Variants in LUC7L3 observed in about 807,000 individuals in gnomAD.
The protein encoded by LUC7L3 is luc7-like protein 3.
In LUC7L3, 6 loss-of-function variants were observed where a neutral mutation model predicts 66.8. The observed-to-expected ratio is 0.09, with a 90% confidence interval of 0.05 to 0.18. The LOEUF (loss-of-function observed/expected upper bound fraction) is 0.18, where lower values mean the gene tolerates loss of function less well. Ranked by LOEUF, LUC7L3 falls within the 10% of genes least tolerant of loss-of-function variation. The pLI is 1.00. For synonymous variants in LUC7L3, 160 were observed against 174.7 expected (o/e 0.92, Z 0.66); for missense variants, 341 against 531.1 (o/e 0.64, Z 3.52).
chr17:50,744,942 G>A, intron 7 of LUC7L3, 129 bp downstream of exon 7: 1 of 688,804 alleles, frequency 1.5e-6, no homozygotes. Context: ...CTCCTGAGTA[G>A]CTGGGAGTAC....
chr17:50,746,776 C>A, intron 9 of LUC7L3, 74 bp downstream of exon 9: 1 of 1,353,268 alleles, frequency 7.4e-7, no homozygotes. Context: ...TTTCTCCAGA[C>A]ACAGGCAAAG....
At chr17:50,734,074 T>C (rs1597910096) in intron 1 of LUC7L3, among the ~76,000 whole-genome samples, 2 of 152,368 alleles carry the variant, frequency 1.3e-5, no homozygotes, top group South Asian at 4.1e-4. Flanking sequence ...AGAAATAATT[T>C]TTAAAAACAT....
chr17:50,719,899 C>T, intron 1 of LUC7L3, 68 bp downstream of exon 1: 1 of 1,446,420 alleles, frequency 6.9e-7, no homozygotes, highest in Non-Finnish European at 9.4e-7. Flanking sequence ...GGGCTGTGGC[C>T]CTCCTGGCCG....
At chr17:50,732,246 T>TG (rs1439118466) in intron 1 of LUC7L3, among the ~76,000 whole-genome samples, 1 of 152,250 alleles carries the variant, frequency 6.6e-6, no homozygotes, top group African/African-American at 2.4e-5. Flanking sequence ...TTCCTGGAAT[T>TG]GGAGTTAATC....
chr17:50,749,639 T>C (rs1163602172), intron 9 of LUC7L3, among the ~76,000 whole-genome samples: 3 of 152,234 alleles, frequency 2.0e-5, no homozygotes, highest in Non-Finnish European at 2.9e-5. Flanking sequence ...AATTAACTAC[T>C]CTGCCAGACC....
intron 1 of LUC7L3, among the ~76,000 whole-genome samples, chr17:50,725,651 C>T (rs566969279): frequency 3.9e-5 from 6 of 152,072 alleles, no homozygotes; most frequent in Middle Eastern, 3.4e-3. Context: ...TCCATTTATA[C>T]GTGGAGTTTT....
chr17:50,739,509 G>A (rs991513941), intron 2 of LUC7L3, among the ~76,000 whole-genome samples: 2 of 152,022 alleles, frequency 1.3e-5, no homozygotes, highest in African/African-American at 4.8e-5. Flanking sequence ...AAAAAATTAC[G>A]CAGGCATGGT....
rs772879284 is a variant in LUC7L3 at position 50,741,720 on chromosome 17, C to T, written c.415C>T (p.Leu139Phe). 6.2e-7 allele frequency: 1 copy of T among 1,613,236 alleles called. No homozygotes were observed. Among genetic ancestry groups the T allele is most frequent in the Non-Finnish European group, 8.5e-7 (1 of 1,179,252 alleles). The change falls in exon 5 of 10, where the codon CTT becomes TTT. Residue 139 changes from leucine to phenylalanine, a missense_variant. Around this residue, in one of 6 missense-constraint regions of LUC7L3, gnomAD observed 86 missense variants for 172.0 expected, o/e 0.50. Transcript: ENST00000505658. ...IQVLTDKIDV[L>F]LQQIEELGSE... The stretch of plus-strand genomic sequence containing the variant: ...GGTTCTAACAGACAAAATTGATGTA[C>T]TTCTGCAACAGGTGAGAATTGTGTG...
At position 50,742,155 on chromosome 17, in the gene LUC7L3, G is replaced by C. The variant is rs74583348; in HGVS notation, c.426+424G>C. Among the ~76,000 whole-genome samples the C allele has an allele frequency of 3.0e-3, 450 of 152,234 alleles. 4 individuals are homozygous for C. The highest frequency in any genetic ancestry group is 0.01 in the African/African-American group (436 of 41,526). Reference sequence around the variant, plus strand: ...TATGAAAAGACGCTCAACACTATTAGTCGTTAGGGAAATACAGATTAAAAC... The same window carrying C: ...TATGAAAAGACGCTCAACACTATTACTCGTTAGGGAAATACAGATTAAAAC... On this transcript the variant is annotated intron_variant, in intron 5 of 9. Coordinates refer to ENST00000505658, the MANE Select transcript of LUC7L3 (RefSeq NM_016424.5).
At chr17:50,735,711 C>T (rs955853967) in intron 1 of LUC7L3, among the ~76,000 whole-genome samples, 3 of 152,102 alleles carry the variant, frequency 2.0e-5, no homozygotes, top group Admixed American at 6.6e-5. Flanking sequence ...TTGCCCAAGC[C>T]GGTCTCAAAT....
At chr17:50,724,241 C>G (rs1385663799) in intron 1 of LUC7L3, 1 of 184,044 alleles carries the variant, frequency 5.4e-6, no homozygotes, top group African/African-American at 2.4e-5. Context: ...AAAACATAGC[C>G]GACCGGGCAT....
Position 50,744,711 on chromosome 17 carries a change from C to G in LUC7L3, c.591C>G (p.Ala197=), listed in dbSNP as rs1468770631. The G allele has an allele frequency of 6.2e-7, 1 of 1,613,880 alleles. No homozygotes were observed. The highest frequency in any genetic ancestry group is 1.7e-5 in the Admixed American group (1 of 59,982). The part of the protein sequence containing the change: ...KQMEVCEVCG[A]FLIVGDAQSR... ...TGGAAGTTTGTGAAGTATGTGGAGC[C>G]TTTTTAATAGTAGGAGATGCCCAGT... is the stretch of plus-strand genomic sequence containing the variant. The change falls in exon 7 of 10, where the codon GCC becomes GCG. Residue 197 remains alanine (A), a synonymous_variant. Coordinates refer to ENST00000505658, the MANE Select transcript of LUC7L3 (RefSeq NM_016424.5).
At chr17:50,741,873 C>T (rs754123037) in intron 5 of LUC7L3, 142 bp downstream of exon 5, 38 of 606,204 alleles carry the variant, frequency 6.3e-5, no homozygotes, top group Non-Finnish European at 7.7e-5. Flanking sequence ...TTGCTTGAGC[C>T]GGAGAATTTG....
At chr17:50,727,080 C>CT (rs1343097512) in intron 1 of LUC7L3, among the ~76,000 whole-genome samples, 2 of 151,616 alleles carry the variant, frequency 1.3e-5, no homozygotes, top group Non-Finnish European at 2.9e-5. Flanking sequence ...CAGAGCGAGA[C>CT]TTTGTCTCAA....
In LUC7L3 at chr17:50,749,380, C is replaced by A. The variant is rs1970866940; in HGVS notation, c.1139-1121C>A. 7.9e-6 allele frequency: 10 copies of A among 1,267,542 alleles called. No homozygotes were observed. The Admixed American group carries it at 2.5e-4, about 32-fold the overall frequency. 78.5% of individuals were successfully genotyped at this position (1,267,542 alleles called of 1,614,324 possible). On this transcript the variant is annotated intron_variant, in intron 9 of 9. Coordinates refer to ENST00000505658, the MANE Select transcript of LUC7L3 (RefSeq NM_016424.5). Reference sequence around the variant, plus strand: ...GCCCACTGTCCTGGCACAGTTCTCACAAGTGGACAGACAGACATGAAGCAA... The same window carrying A: ...GCCCACTGTCCTGGCACAGTTCTCAAAAGTGGACAGACAGACATGAAGCAA...
chr17:50,729,918 A>T (rs1412724242), intron 1 of LUC7L3, among the ~76,000 whole-genome samples: 1 of 39,552 alleles, frequency 2.5e-5, no homozygotes, highest in Admixed American at 2.3e-4. Context: ...ATATATATAT[A>T]TATATATATA....
intron 7 of LUC7L3, among the ~76,000 whole-genome samples, 188 bp from the exon 8 acceptor site, chr17:50,745,523 AGAAATTTGG>A (rs1970616136): frequency 1.3e-5 from 2 of 152,214 alleles, no homozygotes; most frequent in African/African-American, 2.4e-5. Flanking sequence ...CTTGAGTGCC[AGAAATTTGG>A]GAAGAATATT....
intron 5 of LUC7L3, 118 bp downstream of exon 5, chr17:50,741,849 C>T: frequency 2.9e-6 from 2 of 694,830 alleles, no homozygotes; most frequent in Non-Finnish European, 4.8e-6. Context: ...CTTTGGGAGG[C>T]CGAGGCGGGA....
Position 50,728,861 on chromosome 17 carries a change from C to T in LUC7L3, c.100-8099C>T, listed in dbSNP as rs544560821. On this transcript the variant is annotated intron_variant, in intron 1 of 9. Coordinates refer to ENST00000505658, the MANE Select transcript of LUC7L3 (RefSeq NM_016424.5). ...GAGCCACTGCAGCTGGCTTGTGTTC[C>T]TTTTTTTTAACCAATAAAATTTCCA... 2.0e-5 allele frequency among the ~76,000 whole-genome samples: 3 copies of T among 151,624 alleles called. No homozygotes were observed. In the South Asian group the frequency reaches 6.3e-4, roughly 32 times the overall value.
Sources: gnomAD v4.1 joint callset for allele counts (sites outside exome capture counted in the v4.1 genomes callset) on GRCh38, gnomAD v4.1.1 for gene constraint, gnomAD v4.1.1 regional missense constraint, MANE v1.5 for transcripts, NCBI Gene and HGNC (gene_info 2026-07-23, HGNC 2026-07-21) for gene names.